The following TBKBP1 variants were observed in gnomAD, a reference collection of about 807,000 sequenced individuals.
The protein encoded by TBKBP1 is TANK-binding kinase 1-binding protein 1.
TBKBP1 carries 47 observed loss-of-function variants against 69.9 expected under a neutral mutation model. The observed-to-expected ratio is 0.67, with a 90% CI of 0.53 to 0.86. The LOEUF (loss-of-function observed/expected upper bound fraction) is 0.86. Ranked by LOEUF, TBKBP1 falls within the 40% of genes least tolerant of loss-of-function variation. TBKBP1 has a pLI of 0.00. For missense variants in TBKBP1, 831 were observed against 858.6 expected, an observed-to-expected ratio of 0.97 and a Z score of 0.40; for synonymous variants, 418 against 390.3, an observed-to-expected ratio of 1.07 and a Z score of -0.84.
intron 4 of TBKBP1, 57 bp from the exon 5 acceptor site, chr17:47,698,538 C>G (rs1485832535): frequency 6.7e-7 from 1 of 1,497,480 alleles, no homozygotes; most frequent in East Asian, 2.5e-5. Flanking sequence ...TGATGACTCT[C>G]CAGACATGGG....
chr17:47,696,846 G>C lies in TBKBP1; in HGVS notation c.348+13G>C, dbSNP rs1353807449. On this transcript the variant is annotated intron_variant, in intron 3 of 9. Transcript: ENST00000578982. Reference sequence around the variant, plus strand: ...GTTCCAGCATGAGGTGAGCCTACCAGGCTGGGCGCACCCCCTGAGCATCTT... The same window carrying C: ...GTTCCAGCATGAGGTGAGCCTACCACGCTGGGCGCACCCCCTGAGCATCTT... 6.2e-7 allele frequency: 1 copy of C among 1,613,024 alleles called. No homozygotes were observed. Among genetic ancestry groups the C allele is most frequent in the Admixed American group, 1.7e-5 (1 of 59,890 alleles).
chr17:47,709,005 G>C lies in TBKBP1; in HGVS notation c.1272G>C (p.Pro424=). The C allele has an allele frequency of 1.7e-6, 2 of 1,156,292 alleles. No homozygotes were observed. Among genetic ancestry groups the C allele is most frequent in the Non-Finnish European group, 2.1e-6 (2 of 938,204 alleles). The allele number at this position is 1,156,292 out of a possible 1,614,324, so 71.6% of individuals were successfully genotyped here. Residue 424 remains proline (P), a synonymous_variant, in exon 9 of 10, where the codon CCG becomes CCC. Coordinates refer to ENST00000578982, the MANE Select transcript of TBKBP1 (RefSeq NM_001394755.1). The part of the protein sequence containing the change: ...RSPVPPSCPA[P]QPRPPPPPPP... ...CGGTGCCCCCCAGCTGCCCGGCCCC[G>C]CAGCCCCGGCCACCGCCGCCGCCCC...
Position 47,708,623 on chromosome 17 carries a change from T to A in TBKBP1, c.992-102T>A, listed in dbSNP as rs1485550826. Reference sequence around the variant, plus strand: ...ACCCTTTATTTCCTTTCCTGTGGCCTGGAGTTGGTGGGCATGGGTCCGGGC... The same window carrying A: ...ACCCTTTATTTCCTTTCCTGTGGCCAGGAGTTGGTGGGCATGGGTCCGGGC... On this transcript the variant is annotated intron_variant, in intron 8 of 9. Coordinates refer to ENST00000578982, the MANE Select transcript of TBKBP1 (RefSeq NM_001394755.1). This position sits in a 1 kb window ranked among gnomAD's most constrained non-coding sequence, Gnocchi z 4.4. The A allele has an allele frequency of 1.4e-6, 2 of 1,428,268 alleles. No individual in the cohort carries two copies. Among genetic ancestry groups the A allele is most frequent in the South Asian group, 1.3e-5 (1 of 76,338 alleles). 88.5% of individuals were successfully genotyped at this position (1,428,268 alleles called of 1,614,324 possible).
chr17:47,698,904 C>G (rs7208944), intron 5 of TBKBP1, 129 bp downstream of exon 5: 1 of 953,586 alleles, frequency 1.0e-6, no homozygotes, highest in African/African-American at 1.7e-5. Context: ...CCCATCCTCC[C>G]TTACCTGCTG....
intron 7 of TBKBP1, among the ~76,000 whole-genome samples, chr17:47,700,682 C>G (rs2031466505): frequency 2.0e-5 from 3 of 152,022 alleles, no homozygotes; most frequent in African/African-American, 7.3e-5. Flanking sequence ...GGCTTAGAGA[C>G]AGGAGAGGTT....
intron 7 of TBKBP1, among the ~76,000 whole-genome samples, chr17:47,707,209 G>C (rs1467270351): frequency 6.6e-6 from 1 of 152,258 alleles, no homozygotes; most frequent in Non-Finnish European, 1.5e-5. Context: ...CAGGGCCCAA[G>C]GGCATGGCAG....
intron 1 of TBKBP1, among the ~76,000 whole-genome samples, chr17:47,694,459 AG>A (rs1344452648): frequency 6.8e-6 from 1 of 146,802 alleles, no homozygotes; most frequent in Non-Finnish European, 1.5e-5. Flanking sequence ...GTTGTGGGGG[AG>A]GGGGCTGCGT....
intron 7 of TBKBP1, among the ~76,000 whole-genome samples, chr17:47,700,318 G>GT (rs1567905913): frequency 1.2e-5 from 1 of 82,828 alleles, no homozygotes; most frequent in Non-Finnish European, 2.2e-5. Flanking sequence ...TTTTTTTTTG[G>GT]ATTTTTAGTA....
intron 7 of TBKBP1, among the ~76,000 whole-genome samples, chr17:47,703,509 C>T (rs1053248673): frequency 1.1e-4 from 17 of 152,296 alleles, no homozygotes; most frequent in East Asian, 9.7e-4. Flanking sequence ...CTTGCAGCCT[C>T]GGGGGCTCCC....
Position 47,708,660 on chromosome 17 carries a change from G to C in TBKBP1, c.992-65G>C. ...GCATGGGTCCGGGCAAGCCCCTGGCGCTCCAGTTCTGAGGTCTTCTCTCTG... is the reference window on the plus strand; with the variant it reads ...GCATGGGTCCGGGCAAGCCCCTGGCCCTCCAGTTCTGAGGTCTTCTCTCTG... On this transcript the variant is annotated intron_variant, in intron 8 of 9. Transcript: ENST00000578982. The surrounding 1 kb of genome is among the most constrained non-coding windows in gnomAD (Gnocchi z 4.4). 1 of 1,446,344 alleles carries C rather than the reference G, an allele frequency of 6.9e-7. No individual in the cohort carries two copies. The highest frequency in any genetic ancestry group is 9.2e-7 in the Non-Finnish European group (1 of 1,085,822). The allele number at this position is 1,446,344 out of a possible 1,614,324, so 89.6% of individuals were successfully genotyped here.
intron 4 of TBKBP1, among the ~76,000 whole-genome samples, chr17:47,697,903 C>G (rs144878055): frequency 1.8e-3 from 230 of 131,080 alleles, no homozygotes; most frequent in African/African-American, 6.3e-3. Context: ...GAGCCAAGAT[C>G]AAGCCACTGC....
intron 7 of TBKBP1, among the ~76,000 whole-genome samples, chr17:47,703,278 G>A (rs568763645): frequency 5.9e-5 from 9 of 152,186 alleles, no homozygotes; most frequent in Admixed American, 1.3e-4. Flanking sequence ...GTGTGAACTC[G>A]AGAGAGAGGA....
rs373991355 is a variant in TBKBP1 at position 47,696,133 on chromosome 17, C to G, written c.21C>G (p.Asp7Glu). 7 of 1,611,950 alleles carry G rather than the reference C, an allele frequency of 4.3e-6. No homozygotes were observed. The highest frequency in any genetic ancestry group is 8.5e-7 in the Non-Finnish European group (1 of 1,179,316). The change falls in exon 2 of 10, where the codon GAC (aspartate) becomes GAG (glutamate). Residue 7 changes from aspartate to glutamate, a missense_variant. Asp to Glu is a conservative substitution (Grantham distance 45). Coordinates refer to ENST00000578982, the MANE Select transcript of TBKBP1 (RefSeq NM_001394755.1). ...TCACCATGGAGTCCATGTTCGAGGA[C>G]GACATCAGCATCCTGACGCAGGAGG... is the stretch of plus-strand genomic sequence containing the variant. MESMFE[D>E]DISILTQEAL...
chr17:47,707,839 A>C (rs915710056), intron 7 of TBKBP1, among the ~76,000 whole-genome samples: 2 of 152,226 alleles, frequency 1.3e-5, no homozygotes, highest in Non-Finnish European at 2.9e-5. Context: ...CACTTATGGA[A>C]CGAGCTATTC....
intron 7 of TBKBP1, among the ~76,000 whole-genome samples, chr17:47,700,143 C>A (rs574471146): frequency 6.6e-6 from 1 of 151,662 alleles, no homozygotes; most frequent in South Asian, 2.1e-4. Flanking sequence ...CTCGCCACTA[C>A]GCCTGGCTAA....
intron 7 of TBKBP1, among the ~76,000 whole-genome samples, chr17:47,705,979 T>C (rs2031682663): frequency 6.6e-6 from 1 of 152,212 alleles, no homozygotes; most frequent in South Asian, 2.1e-4. Flanking sequence ...TCAGCCACCC[T>C]GTCTGTTTCA....
Position 47,710,373 on chromosome 17 carries a change from G to A in TBKBP1, c.1720-125G>A, listed in dbSNP as rs560182213. On this transcript the variant is annotated intron_variant, in intron 9 of 9. Transcript: ENST00000578982. ...TGGGGGAGGACGGTGCTGAAGAAAG[G>A]GTGGCTGGACCCCTCCTGCATGCCA... 68 of 1,302,078 alleles carry A rather than the reference G, an allele frequency of 5.2e-5. 1 individual carries two copies. In the South Asian group the frequency reaches 9.3e-4, roughly 18 times the overall value. The allele number at this position is 1,302,078 out of a possible 1,614,324, so 80.7% of individuals were successfully genotyped here. A position where few individuals can be genotyped will look rare whatever the true frequency, so the allele number is the denominator to read the frequency against.
At chr17:47,704,315 C>T (rs1003379502) in intron 7 of TBKBP1, among the ~76,000 whole-genome samples, 2 of 152,214 alleles carry the variant, frequency 1.3e-5, no homozygotes, top group Non-Finnish European at 2.9e-5. Flanking sequence ...GGGCTCAAGG[C>T]GCCCGAAAGG....
rs2031789176 is a variant in TBKBP1, at chr17:47,708,752, G to A, written c.1019G>A (p.Arg340His). ...GGQRHSPLSQRHSPAPQCPSP... is the reference protein window; with the variant it reads ...GGQRHSPLSQHHSPAPQCPSP... ...CAGAGGCACTCGCCGCTGTCACAAC[G>A]CCACTCCCCGGCCCCCCAGTGCCCC... The change falls in exon 9 of 10, where the codon CGC (arginine) becomes CAC (histidine). Residue 340 changes from arginine to histidine, a missense_variant. Physicochemically the swap from Arg to His is conservative, Grantham distance 29 (BLOSUM62 0). Coordinates refer to ENST00000578982, the MANE Select transcript of TBKBP1 (RefSeq NM_001394755.1). This position sits in a 1 kb window ranked among gnomAD's most constrained non-coding sequence, Gnocchi z 4.4. 5.5e-6 allele frequency: 8 copies of A among 1,464,612 alleles called. No homozygotes were observed. Among genetic ancestry groups the A allele is most frequent in the Non-Finnish European group, 7.2e-6 (8 of 1,106,990 alleles). The allele number at this position is 1,464,612 out of a possible 1,614,324, so 90.7% of individuals were successfully genotyped here.
Sources: gnomAD v4.1 joint callset for allele counts (sites outside exome capture counted in the v4.1 genomes callset) on GRCh38, gnomAD v4.1.1 for gene constraint, Gnocchi (gnomAD v3.1) non-coding constraint, MANE v1.5 for transcripts, NCBI Gene and HGNC (gene_info 2026-07-23, HGNC 2026-07-21) for gene names.